The following CDK17 variants were observed in gnomAD, a reference collection of about 807,000 sequenced individuals.
The protein encoded by CDK17 is cyclin-dependent kinase 17.
In CDK17, 24 loss-of-function variants were observed where a neutral mutation model predicts 77.6. The ratio of observed to expected loss-of-function variants is 0.31; its 90% confidence interval spans 0.22 to 0.44. The LOEUF (loss-of-function observed/expected upper bound fraction) is 0.44. Among genes scored for constraint, CDK17 ranks in the 20% least tolerant of loss-of-function variants. The pLI is 1.00. For missense variants in CDK17, 429 were observed against 622.5 expected (o/e 0.69, Z 3.31); for synonymous variants, 203 against 210.4 (o/e 0.96, Z 0.30).
At chr12:96,313,200 C>T (rs1173337033) in intron 4 of CDK17, 121 bp downstream of exon 4, 3 of 598,356 alleles carry the variant, frequency 5.0e-6, no homozygotes, top group Non-Finnish European at 8.1e-6. Context: ...AACTTTCTTA[C>T]AAGTGTCACG....
In CDK17 at chr12:96,400,372, A is replaced by T. The variant is rs770828484; in HGVS notation, c.-416T>A. 2.3e-5 allele frequency: 9 copies of T among 385,510 alleles called. No individual in the cohort carries two copies. Among genetic ancestry groups the T allele is most frequent in the Non-Finnish European group, 3.2e-5 (7 of 218,046 alleles). 23.9% of individuals were successfully genotyped at this position (385,510 alleles called of 1,614,324 possible). On this transcript the variant is annotated 5_prime_UTR_variant, in exon 1 of 17. Transcript: ENST00000261211. ...CTCTGCGGCGGCCCGCGGGGAGCTC[A>T]GGAGACTGCGGGCGGCCGCGTTCGC... is the stretch of plus-strand genomic sequence containing the variant.
chr12:96,339,504 A>T (rs1187463171), intron 1 of CDK17, among the ~76,000 whole-genome samples: 2 of 152,160 alleles, frequency 1.3e-5, no homozygotes, highest in African/African-American at 4.8e-5. Context: ...GCACTTAAAA[A>T]TGGTAAAGAT....
chr12:96,368,581 A>G (rs1953629376), intron 1 of CDK17, among the ~76,000 whole-genome samples: 1 of 152,178 alleles, frequency 6.6e-6, no homozygotes, highest in South Asian at 2.1e-4. Flanking sequence ...CCTCATTCTT[A>G]GACGGCATTT....
intron 10 of CDK17, among the ~76,000 whole-genome samples, chr12:96,292,678 G>A (rs1952341789): frequency 6.6e-6 from 1 of 152,030 alleles, no homozygotes; most frequent in Admixed American, 6.6e-5. Context: ...AAAACTGCAT[G>A]GGTTTTTAAA....
chr12:96,368,041 G>A (rs1264170600), intron 1 of CDK17, among the ~76,000 whole-genome samples: 3 of 151,736 alleles, frequency 2.0e-5, no homozygotes, highest in African/African-American at 4.8e-5. Context: ...GTGAGTTTAC[G>A]AACAGTCCAA....
chr12:96,287,994 G>C (rs1280590404), intron 11 of CDK17, among the ~76,000 whole-genome samples: 1 of 152,084 alleles, frequency 6.6e-6, no homozygotes, highest in Non-Finnish European at 1.5e-5. Flanking sequence ...AAGTATTATA[G>C]AACAGTGGTT....
At chr12:96,363,037 G>C (rs978675024) in intron 1 of CDK17, among the ~76,000 whole-genome samples, 2 of 152,132 alleles carry the variant, frequency 1.3e-5, no homozygotes, top group Non-Finnish European at 2.9e-5. Context: ...AAAAATACTT[G>C]AAGGGACAAA....
chr12:96,345,543 A>G (rs1388788625), intron 1 of CDK17, among the ~76,000 whole-genome samples: 1 of 152,202 alleles, frequency 6.6e-6, no homozygotes, highest in Admixed American at 6.5e-5. Flanking sequence ...ATGTTATCTC[A>G]TTGTGATTTT....
chr12:96,316,399 A>G (rs1253624399), intron 3 of CDK17, among the ~76,000 whole-genome samples: 4 of 148,820 alleles, frequency 2.7e-5, no homozygotes, highest in Non-Finnish European at 6.0e-5. Flanking sequence ...GCCATTGCCC[A>G]GGCTTGCTTA....
Position 96,280,173 on chromosome 12 carries a change from T to C in CDK17, c.*69A>G, listed in dbSNP as rs537039718. 6.8e-7 allele frequency: 1 copy of C among 1,465,138 alleles called. No homozygotes were observed. The highest frequency in any genetic ancestry group is 1.4e-5 in the African/African-American group (1 of 70,252). The allele number at this position is 1,465,138 out of a possible 1,614,324, so 90.8% of individuals were successfully genotyped here. A position where few individuals can be genotyped will look rare whatever the true frequency, so the allele number is the denominator to read the frequency against. On this transcript the variant is annotated 3_prime_UTR_variant, in exon 17 of 17. Transcript: ENST00000261211. ...TTCCAAGTCCACCAAAAGAAATAAT[T>C]GCCTTCAGTTCTGAGTCCTTGATTG... is the stretch of plus-strand genomic sequence containing the variant.
intron 6 of CDK17, 60 bp downstream of exon 6, chr12:96,300,244 C>CAA: frequency 2.7e-6 from 3 of 1,108,054 alleles, no homozygotes; most frequent in Non-Finnish European, 4.1e-6. Context: ...CGTGGAGTAA[C>CAA]AGAGTTTGAA....
rs1953794499 is a variant in CDK17 at position 96,377,302 on chromosome 12, T to C, written c.-30+22684A>G. 2.0e-5 allele frequency among the ~76,000 whole-genome samples: 3 copies of C among 152,152 alleles called. No homozygotes were observed. The South Asian group carries it at 6.2e-4, about 32-fold the overall frequency. On this transcript the variant is annotated intron_variant, in intron 1 of 16. Transcript: ENST00000261211. ...CATAAAAGAAAAAATTACTTCACCATATAAAAGTCGAAAGTTATGCATGAA... is the reference window on the plus strand; with the variant it reads ...CATAAAAGAAAAAATTACTTCACCACATAAAAGTCGAAAGTTATGCATGAA...
chr12:96,331,411 G>A (rs1412039161), intron 2 of CDK17, among the ~76,000 whole-genome samples: 2 of 151,818 alleles, frequency 1.3e-5, no homozygotes, highest in Non-Finnish European at 2.9e-5. Flanking sequence ...TTAGGGAAAG[G>A]TGTATTGAGT....
intron 14 of CDK17, among the ~76,000 whole-genome samples, chr12:96,282,857 T>C (rs931709031): frequency 6.6e-6 from 1 of 152,238 alleles, no homozygotes. Flanking sequence ...GCTTGTATTT[T>C]CTGAAGCAAA....
chr12:96,300,099 T>A (rs555853336), intron 6 of CDK17, among the ~76,000 whole-genome samples: 1 of 152,256 alleles, frequency 6.6e-6, no homozygotes, highest in East Asian at 1.9e-4. Context: ...ATAAAAAAAA[T>A]TCATTTCCTC....
At chr12:96,362,202 T>C (rs1565836089) in intron 1 of CDK17, among the ~76,000 whole-genome samples, 2 of 152,200 alleles carry the variant, frequency 1.3e-5, no homozygotes, top group South Asian at 2.1e-4. Context: ...GAACATAAGA[T>C]AGTTACAGCA....
intron 3 of CDK17, among the ~76,000 whole-genome samples, chr12:96,316,276 T>G (rs1183020439): frequency 1.3e-5 from 2 of 152,278 alleles, no homozygotes; most frequent in East Asian, 3.9e-4. Context: ...ACCACGAGAC[T>G]ATATACCACA....
At chr12:96,336,905 G>T (rs1298386308) in intron 1 of CDK17, among the ~76,000 whole-genome samples, 1 of 152,128 alleles carries the variant, frequency 6.6e-6, no homozygotes, top group Non-Finnish European at 1.5e-5. Context: ...TCCAAAGTCT[G>T]AACAATCTAT....
rs1001098300 is a variant in CDK17 at position 96,400,196 on chromosome 12, C to T, written c.-240G>A. On this transcript the variant is annotated 5_prime_UTR_variant, in exon 1 of 17. The change creates a new upstream start codon in the 5' untranslated region. Transcript: ENST00000261211. Reference sequence around the variant, plus strand: ...CTCGGGAGGGGCCGCGGGTGTCTCACGCGTTGCCAAGTCCCTCGGTCAACA... The same window carrying T: ...CTCGGGAGGGGCCGCGGGTGTCTCATGCGTTGCCAAGTCCCTCGGTCAACA... 1 of 394,806 alleles carries T rather than the reference C, an allele frequency of 2.5e-6. No individual in the cohort carries two copies. Among genetic ancestry groups the T allele is most frequent in the African/African-American group, 2.1e-5 (1 of 48,532 alleles). The allele number at this position is 394,806 out of a possible 1,614,324, so 24.5% of individuals were successfully genotyped here. A position where few individuals can be genotyped will look rare whatever the true frequency, so the allele number is the denominator to read the frequency against.
Sources: allele counts gnomAD v4.1 joint callset (sites outside exome capture counted in the v4.1 genomes callset), GRCh38; gene constraint gnomAD v4.1.1; transcripts MANE v1.5; gene names NCBI Gene and HGNC (gene_info 2026-07-23, HGNC 2026-07-21).